FNDC3B: variants seen among roughly 807,000 people sequenced by gnomAD.
FNDC3B encodes fibronectin type III domain-containing protein 3B.
Under a neutral mutation model 151.5 loss-of-function variants are expected in FNDC3B, and 12 were observed. That is an observed-to-expected ratio of 0.08 (90% CI 0.05 to 0.13). FNDC3B has a LOEUF of 0.13. FNDC3B is among the 10% of genes least tolerant of loss of function. FNDC3B has a pLI of 1.00. For synonymous variants in FNDC3B, 528 were observed against 549.0 expected (o/e 0.96, Z 0.54); for missense variants, 1,214 against 1,505.3 (o/e 0.81, Z 3.20).
chr3:172,162,586 C>CT (rs1334405431), intron 3 of FNDC3B, among the ~76,000 whole-genome samples: 1 of 151,356 alleles, frequency 6.6e-6, no homozygotes, highest in Non-Finnish European at 1.5e-5. Context: ...AGCTGTACCA[C>CT]TTTATCTTCC....
intron 3 of FNDC3B, among the ~76,000 whole-genome samples, chr3:172,144,037 G>T (rs1576904903): frequency 6.6e-6 from 1 of 152,170 alleles, no homozygotes; most frequent in South Asian, 2.1e-4. Flanking sequence ...AGGAAAAGAG[G>T]TTTAATTGGG....
intron 2 of FNDC3B, among the ~76,000 whole-genome samples, chr3:172,116,142 TAAAAAG>T (rs1237778234): frequency 6.6e-6 from 1 of 152,192 alleles, no homozygotes. Flanking sequence ...ATTATTTTCT[TAAAAAG>T]AAAAGTCATC....
chr3:172,366,747 T>C (rs1431250011), intron 23 of FNDC3B, among the ~76,000 whole-genome samples: 1 of 152,166 alleles, frequency 6.6e-6, no homozygotes, highest in Non-Finnish European at 1.5e-5. Flanking sequence ...TAAAATCAAA[T>C]GAACACTTCT....
intron 13 of FNDC3B, among the ~76,000 whole-genome samples, chr3:172,331,557 T>C (rs1468017884): frequency 6.6e-6 from 1 of 152,126 alleles, no homozygotes; most frequent in African/African-American, 2.4e-5. Context: ...AGATGGGGTT[T>C]CACCATGTTA....
At chr3:172,346,955 C>T (rs1456769732) in intron 20 of FNDC3B, among the ~76,000 whole-genome samples, 1 of 152,182 alleles carries the variant, frequency 6.6e-6, no homozygotes, top group Non-Finnish European at 1.5e-5. Context: ...CCACCCACCT[C>T]AGCCTCCCAA....
At chr3:172,127,189 T>A in intron 2 of FNDC3B, 1 of 424,098 alleles carries the variant, frequency 2.4e-6, no homozygotes, top group Non-Finnish European at 4.7e-6. Context: ...GAAAAAGAAG[T>A]TGGGGGTAGA....
intron 3 of FNDC3B, among the ~76,000 whole-genome samples, chr3:172,161,323 T>G (rs904577731): frequency 2.0e-5 from 3 of 152,222 alleles, no homozygotes; most frequent in African/African-American, 7.2e-5. Context: ...TTCTGGTTAA[T>G]GAATTTAGTG....
intron 2 of FNDC3B, among the ~76,000 whole-genome samples, chr3:172,132,927 C>T (rs949242101): frequency 2.0e-5 from 3 of 151,948 alleles, no homozygotes; most frequent in Non-Finnish European, 2.9e-5. Flanking sequence ...GGGTATTTGG[C>T]GGGGCCTATT....
chr3:172,187,696 G>A (rs921006809), intron 3 of FNDC3B, among the ~76,000 whole-genome samples: 6 of 152,038 alleles, frequency 3.9e-5, no homozygotes, highest in African/African-American at 9.7e-5. Context: ...ACTTTGTTGC[G>A]CAGGCTAGAG....
intron 3 of FNDC3B, among the ~76,000 whole-genome samples, chr3:172,192,176 GT>G (rs113729648): frequency 0.22 from 29,743 of 136,888 alleles, 3,213 homozygotes; most frequent in African/African-American, 0.28. Flanking sequence ...TGTGTTTTTT[GT>G]TTTTTTTTTT....
intron 3 of FNDC3B, chr3:172,133,796 AT>A: frequency 2.0e-6 from 1 of 494,508 alleles, no homozygotes; most frequent in South Asian, 2.0e-5. Context: ...TTACTCCAAA[AT>A]TTGGTGGCTT....
At chr3:172,214,503 A>G (rs1725881703) in intron 3 of FNDC3B, among the ~76,000 whole-genome samples, 1 of 151,746 alleles carries the variant, frequency 6.6e-6, no homozygotes, top group Non-Finnish European at 1.5e-5. Flanking sequence ...AGCCTTCTAG[A>G]TTGGCAAGAA....
chr3:172,344,234 G>C lies in FNDC3B; in HGVS notation c.2226G>C (p.Arg742=). ...NLLPGTVYRF[R]VRALNDGGYG... is the part of the protein sequence containing the mutation. The stretch of plus-strand genomic sequence containing the variant: ...TTCCTGGAACCGTGTATCGCTTCCG[G>C]GTGAGGGCTCTGAATGATGGAGGGG... Residue 742 remains arginine (R), a synonymous_variant, in exon 19 of 26, where the codon CGG becomes CGC. Transcript: ENST00000415807. The C allele has an allele frequency of 6.2e-7, 1 of 1,613,980 alleles. No homozygotes were observed. The highest frequency in any genetic ancestry group is 1.1e-5 in the South Asian group (1 of 91,064).
At chr3:172,284,806 A>G (rs1238684872) in intron 6 of FNDC3B, among the ~76,000 whole-genome samples, 1 of 146,316 alleles carries the variant, frequency 6.8e-6, no homozygotes. Flanking sequence ...CATTCTTCCC[A>G]CCTCCCTCCA....
At chr3:172,388,743 C>T (rs1219709069) in intron 25 of FNDC3B, among the ~76,000 whole-genome samples, 3 of 152,150 alleles carry the variant, frequency 2.0e-5, no homozygotes, top group East Asian at 1.9e-4. Context: ...GCTCCCCTTC[C>T]GTTGATTTCT....
At chr3:172,327,783 C>T (rs1036488491) in intron 11 of FNDC3B, among the ~76,000 whole-genome samples, 1 of 152,168 alleles carries the variant, frequency 6.6e-6, no homozygotes, top group Non-Finnish European at 1.5e-5. Flanking sequence ...TTAAAACCAC[C>T]TGGAATGTGT....
At chr3:172,390,470 A>C (rs1735950202) in intron 25 of FNDC3B, among the ~76,000 whole-genome samples, 1 of 152,004 alleles carries the variant, frequency 6.6e-6, no homozygotes, top group Non-Finnish European at 1.5e-5. Context: ...TGTTAAAATT[A>C]ATATATGAAG....
At chr3:172,148,949 G>A (rs1270608072) in intron 3 of FNDC3B, among the ~76,000 whole-genome samples, 1 of 152,202 alleles carries the variant, frequency 6.6e-6, no homozygotes, top group Non-Finnish European at 1.5e-5. Flanking sequence ...TATAGACAGA[G>A]TAGTTAGAAG....
intron 19 of FNDC3B, among the ~76,000 whole-genome samples, 176 bp downstream of exon 19, chr3:172,344,434 T>C (rs1430094776): frequency 6.6e-6 from 1 of 152,224 alleles, no homozygotes; most frequent in Non-Finnish European, 1.5e-5. Context: ...TGATTTCATA[T>C]AGACCCAGCA....
Sources: allele counts gnomAD v4.1 joint callset (sites outside exome capture counted in the v4.1 genomes callset), GRCh38; gene constraint gnomAD v4.1.1; transcripts MANE v1.5; gene names NCBI Gene and HGNC (gene_info 2026-07-23, HGNC 2026-07-21).